NPAS3: variants seen among roughly 807,000 people sequenced by gnomAD.
NPAS3 encodes neuronal PAS domain-containing protein 3.
Under a neutral mutation model 73.1 loss-of-function variants are expected in NPAS3, and 14 were observed. The ratio of observed to expected loss-of-function variants is 0.19; its 90% CI spans 0.13 to 0.30. The LOEUF is 0.30. NPAS3 is among the 10% of genes least tolerant of loss of function. The probability of loss-of-function intolerance (pLI) is 1.00; values close to 1 mark genes in which losing one functional copy is unlikely to be tolerated. For synonymous variants in NPAS3, 620 were observed against 541.5 expected, an observed-to-expected ratio of 1.14 and a Z score of -2.01; for missense variants, 1,096 against 1,250.0, an observed-to-expected ratio of 0.88 and a Z score of 1.86.
intron 2 of NPAS3, among the ~76,000 whole-genome samples, chr14:33,099,973 T>C (rs1227020195): frequency 6.6e-6 from 1 of 152,216 alleles, no homozygotes; most frequent in Non-Finnish European, 1.5e-5. Context: ...CATTATTTTG[T>C]TGTCCTTTAT....
chr14:33,740,359 C>G, intron 7 of NPAS3, among the ~76,000 whole-genome samples: 1 of 152,208 alleles, frequency 6.6e-6, no homozygotes, highest in East Asian at 1.9e-4. Flanking sequence ...CTTTCCAATA[C>G]CCAACATTGG....
chr14:33,576,682 C>T (rs1009571755), intron 5 of NPAS3, among the ~76,000 whole-genome samples: 1 of 152,154 alleles, frequency 6.6e-6, no homozygotes, highest in Non-Finnish European at 1.5e-5. Flanking sequence ...TTATTCACCT[C>T]TATTGTTTTA....
intron 4 of NPAS3, among the ~76,000 whole-genome samples, chr14:33,403,429 A>C (rs917835748): frequency 6.6e-6 from 1 of 152,094 alleles, no homozygotes; most frequent in Non-Finnish European, 1.5e-5. Context: ...GATAGATTAT[A>C]AAATGTTTAG....
chr14:33,492,357 T>C (rs955220631), intron 4 of NPAS3, among the ~76,000 whole-genome samples: 21 of 152,168 alleles, frequency 1.4e-4, no homozygotes, highest in African/African-American at 4.1e-4. Context: ...CTGAGACTTA[T>C]ATACCTGTAA....
At position 33,800,744 on chromosome 14, in the gene NPAS3, C is replaced by T. The variant is rs2063686204; in HGVS notation, c.2437C>T (p.Leu813=). 1.3e-6 allele frequency: 2 copies of T among 1,560,460 alleles called. No homozygotes were observed. The highest frequency in any genetic ancestry group is 1.2e-5 in the South Asian group (1 of 85,050). Reference sequence around the variant, plus strand: ...GCTGGTGCACAGGGTGACCGGGACCCTGGCCGCCACCAGCACGGCCGCGCA... The same window carrying T: ...GCTGGTGCACAGGGTGACCGGGACCTTGGCCGCCACCAGCACGGCCGCGCA... Residue 813 remains leucine (L), a synonymous_variant, in exon 12 of 12, where the codon CTG becomes TTG. Coordinates refer to ENST00000356141, the Ensembl canonical transcript of NPAS3. This position sits in a 1 kb window ranked among gnomAD's most constrained non-coding sequence, Gnocchi z 6.5.
At chr14:33,159,707 C>T (rs1427316803) in intron 2 of NPAS3, among the ~76,000 whole-genome samples, 2 of 152,052 alleles carry the variant, frequency 1.3e-5, no homozygotes, top group Non-Finnish European at 1.5e-5. Context: ...GCGCCCACCA[C>T]CATGCCCGGC....
At chr14:33,426,197 T>C (rs948756626) in intron 4 of NPAS3, among the ~76,000 whole-genome samples, 2 of 152,070 alleles carry the variant, frequency 1.3e-5, no homozygotes, top group African/African-American at 4.8e-5. Flanking sequence ...AAGAGATTCA[T>C]GAACTCAGAT....
intron 2 of NPAS3, among the ~76,000 whole-genome samples, chr14:33,070,387 C>T (rs17100063): frequency 0.023 from 3,541 of 152,068 alleles, 109 homozygotes; most frequent in South Asian, 0.099. Flanking sequence ...GGAACTCATG[C>T]GGACATCTTT....
chr14:33,427,359 A>C (rs937209302), intron 4 of NPAS3, among the ~76,000 whole-genome samples: 5 of 151,964 alleles, frequency 3.3e-5, no homozygotes, highest in African/African-American at 1.2e-4. Context: ...AACCAGTAGT[A>C]ATCATATTAA....
intron 4 of NPAS3, among the ~76,000 whole-genome samples, chr14:33,476,097 G>A (rs957240872): frequency 1.3e-5 from 2 of 152,090 alleles, no homozygotes; most frequent in Admixed American, 6.5e-5. Context: ...TTTCCTTAGC[G>A]CTATATCCCA....
At chr14:33,435,162 G>GA (rs2048936985) in intron 4 of NPAS3, among the ~76,000 whole-genome samples, 1 of 152,168 alleles carries the variant, frequency 6.6e-6, no homozygotes, top group African/African-American at 2.4e-5. Flanking sequence ...TGTCCAGTGT[G>GA]AAATCCATCA....
At chr14:33,265,899 T>G (rs2040793315) in intron 3 of NPAS3, among the ~76,000 whole-genome samples, 1 of 151,920 alleles carries the variant, frequency 6.6e-6, no homozygotes, top group South Asian at 2.1e-4. Context: ...TAAAGAAAAT[T>G]ACATTTTAGA....
At chr14:33,554,264 C>A (rs545020312) in intron 4 of NPAS3, among the ~76,000 whole-genome samples, 22 of 152,230 alleles carry the variant, frequency 1.4e-4, no homozygotes, top group Admixed American at 6.5e-4. Flanking sequence ...GCATAGTGCC[C>A]GAATTCAGGC....
chr14:33,768,667 C>T (rs2062543089), intron 7 of NPAS3, among the ~76,000 whole-genome samples: 2 of 152,130 alleles, frequency 1.3e-5, no homozygotes, highest in South Asian at 4.1e-4. Context: ...TTCTTTGACA[C>T]CATTTTATAT....
At chr14:33,169,152 T>C (rs2045289286) in intron 2 of NPAS3, among the ~76,000 whole-genome samples, 1 of 152,232 alleles carries the variant, frequency 6.6e-6, no homozygotes, top group African/African-American at 2.4e-5. Context: ...AGCTTTTCCT[T>C]TTTTCTAAAT....
intron 4 of NPAS3, among the ~76,000 whole-genome samples, chr14:33,551,116 C>T (rs2055092301): frequency 6.6e-6 from 1 of 152,168 alleles, no homozygotes; most frequent in Non-Finnish European, 1.5e-5. Flanking sequence ...TTATCCCCAA[C>T]CAGAATTTCT....
At chr14:33,501,723 T>C (rs1393169480) in intron 4 of NPAS3, among the ~76,000 whole-genome samples, 1 of 151,754 alleles carries the variant, frequency 6.6e-6, no homozygotes, top group Non-Finnish European at 1.5e-5. Context: ...TTCTGAACCT[T>C]AGCAGCAGGT....
intron 6 of NPAS3, among the ~76,000 whole-genome samples, chr14:33,720,365 T>C (rs569389063): frequency 1.3e-5 from 2 of 152,170 alleles, no homozygotes; most frequent in South Asian, 4.2e-4. Context: ...AGTTGCTCAT[T>C]AAGGGAAGGT....
intron 6 of NPAS3, among the ~76,000 whole-genome samples, chr14:33,699,711 T>C (rs1394483559): frequency 6.6e-6 from 1 of 152,196 alleles, no homozygotes; most frequent in Non-Finnish European, 1.5e-5. Flanking sequence ...AGAACAGGGT[T>C]ATTAAATCAT....
Sources: gnomAD v4.1 joint callset for allele counts (sites outside exome capture counted in the v4.1 genomes callset) on GRCh38, gnomAD v4.1.1 for gene constraint, Gnocchi (gnomAD v3.1) non-coding constraint, MANE v1.5 for transcripts, NCBI Gene and HGNC (gene_info 2026-07-23, HGNC 2026-07-21) for gene names.